The following TAS2R1 variants were observed in gnomAD, a reference collection of about 807,000 sequenced individuals.
TAS2R1 encodes taste receptor type 2 member 1.
For synonymous variants in TAS2R1, 141 were observed against 134.2 expected (o/e 1.05, Z -0.35); for missense variants, 370 against 353.4 (o/e 1.05, Z -0.38).
At chr5:9,806,784 A>ACCAT in the TAS2R1 span, among the ~76,000 whole-genome samples, 2 of 152,132 alleles carry the variant, frequency 1.3e-5, no homozygotes, top group African/African-American at 2.4e-5. Context: ...ATGACCTGAA[A>ACCAT]CCATAACTTT....
chr5:9,769,731 G>A, the TAS2R1 span, among the ~76,000 whole-genome samples: 13 of 152,040 alleles, frequency 8.6e-5, no homozygotes, highest in African/African-American at 3.1e-4. Context: ...ATATCTATTT[G>A]GATATTTTGC....
At chr5:9,767,210 C>T in the TAS2R1 span, among the ~76,000 whole-genome samples, 1 of 151,918 alleles carries the variant, frequency 6.6e-6, no homozygotes, top group Non-Finnish European at 1.5e-5. Flanking sequence ...CATGCCCTCC[C>T]CCGCAATCCC....
At chr5:9,712,551 C>T (rs567201027), upstream of TAS2R1, among the ~76,000 whole-genome samples, 8 of 152,300 alleles carry the variant, frequency 5.3e-5, no homozygotes, top group South Asian at 1.2e-3. Flanking sequence ...CTCAAAACTG[C>T]AATACAGAAA....
chr5:9,813,843 T>A, the TAS2R1 span, among the ~76,000 whole-genome samples: 2 of 152,224 alleles, frequency 1.3e-5, no homozygotes, highest in Admixed American at 1.3e-4. Flanking sequence ...ACCCTCCAGA[T>A]TGGCTGGTCT....
chr5:9,701,885 AGAAT>A (rs1232909150), intron 1 of TAS2R1, among the ~76,000 whole-genome samples: 7 of 152,088 alleles, frequency 4.6e-5, no homozygotes, highest in Non-Finnish European at 7.4e-5. Context: ...CCTTTTTTTT[AGAAT>A]GAACAATTTC....
chr5:9,808,304 G>T, the TAS2R1 span, among the ~76,000 whole-genome samples: 1 of 152,182 alleles, frequency 6.6e-6, no homozygotes, highest in African/African-American at 2.4e-5. Flanking sequence ...TTATATAGTG[G>T]CAAAGAACTT....
At chr5:9,646,136 T>A (rs1485412427) in intron 2 of TAS2R1, among the ~76,000 whole-genome samples, 4 of 152,168 alleles carry the variant, frequency 2.6e-5, no homozygotes, top group Non-Finnish European at 5.9e-5. Context: ...TTGAGTATTC[T>A]ATTCACTAGA....
At chr5:9,897,406 G>A in the TAS2R1 span, among the ~76,000 whole-genome samples, 12 of 152,266 alleles carry the variant, frequency 7.9e-5, no homozygotes, top group East Asian at 7.7e-4. Context: ...CCGAGATCAC[G>A]CCGCTGCACT....
At chr5:9,826,746 C>A in the TAS2R1 span, among the ~76,000 whole-genome samples, 2 of 152,306 alleles carry the variant, frequency 1.3e-5, no homozygotes, top group Admixed American at 6.5e-5. Flanking sequence ...AATTTAGGGA[C>A]ACATTTTAGC....
At chr5:9,815,435 TGATA>T in the TAS2R1 span, among the ~76,000 whole-genome samples, 10 of 152,182 alleles carry the variant, frequency 6.6e-5, no homozygotes, top group Non-Finnish European at 1.2e-4. Flanking sequence ...AGATGATAGA[TGATA>T]GATAGATGGA....
At chr5:9,818,415 T>C in the TAS2R1 span, among the ~76,000 whole-genome samples, 119 of 152,320 alleles carry the variant, frequency 7.8e-4, 4 homozygotes, top group South Asian at 0.02. Flanking sequence ...CCTCTGTCAG[T>C]TGGCTTTTGC....
the TAS2R1 span, among the ~76,000 whole-genome samples, chr5:9,752,890 A>G: frequency 2.6e-5 from 4 of 152,056 alleles, no homozygotes; most frequent in African/African-American, 9.7e-5. Context: ...ATCCTTTTTC[A>G]TGGCTGCATA....
At chr5:9,688,440 G>A (rs181349314) in intron 1 of TAS2R1, among the ~76,000 whole-genome samples, 6 of 152,226 alleles carry the variant, frequency 3.9e-5, no homozygotes, top group African/African-American at 7.2e-5. Flanking sequence ...TAAGGCTGGT[G>A]TCTACACTGC....
intron 1 of TAS2R1, among the ~76,000 whole-genome samples, chr5:9,679,484 T>G (rs1733282662): frequency 6.6e-6 from 1 of 152,134 alleles, no homozygotes; most frequent in Non-Finnish European, 1.5e-5. Context: ...TTAAGTGACT[T>G]TGGAAATGAG....
the TAS2R1 span, chr5:9,760,857 A>C: frequency 6.6e-6 from 1 of 152,232 alleles, no homozygotes; most frequent in Non-Finnish European, 1.5e-5. Context: ...TAAGTAGTGC[A>C]ATATGACAAG....
the TAS2R1 span, among the ~76,000 whole-genome samples, chr5:9,809,943 T>C: frequency 2.0e-5 from 3 of 152,232 alleles, no homozygotes; most frequent in African/African-American, 7.2e-5. Context: ...CTCAAGTTAG[T>C]GAAGATACTT....
At chr5:9,874,949 A>T in the TAS2R1 span, among the ~76,000 whole-genome samples, 1 of 152,158 alleles carries the variant, frequency 6.6e-6, no homozygotes, top group Admixed American at 6.5e-5. Flanking sequence ...ACCTGGGTTT[A>T]TGGGCATTCT....
At chr5:9,719,375 C>T in the TAS2R1 span, among the ~76,000 whole-genome samples, 6 of 152,152 alleles carry the variant, frequency 3.9e-5, no homozygotes, top group Non-Finnish European at 7.4e-5. Flanking sequence ...TTGCAACCTT[C>T]GGAGATGTAA....
At chr5:9,827,313 C>A in the TAS2R1 span, among the ~76,000 whole-genome samples, 7 of 152,172 alleles carry the variant, frequency 4.6e-5, no homozygotes, top group African/African-American at 1.7e-4. Flanking sequence ...CGCTGTACAT[C>A]CATTTGTCCT....
Sources: allele counts gnomAD v4.1 joint callset (sites outside exome capture counted in the v4.1 genomes callset), GRCh38; gene constraint gnomAD v4.1.1; transcripts MANE v1.5; gene names NCBI Gene and HGNC (gene_info 2026-07-23, HGNC 2026-07-21).